The following C12orf50 variants were observed in gnomAD, a reference collection of about 807,000 sequenced individuals.
C12orf50 encodes zinc finger CCCH-type containing 11D.
C12orf50 carries 35 observed loss-of-function variants against 61.6 expected under a neutral mutation model. The ratio of observed to expected loss-of-function variants is 0.57; its 90% confidence interval spans 0.43 to 0.75. C12orf50 has a LOEUF of 0.75. Among genes scored for constraint, C12orf50 ranks in the 30% least tolerant of loss-of-function variants. The probability of loss-of-function intolerance (pLI) is 0.00; values close to 1 mark genes in which losing one functional copy is unlikely to be tolerated. For synonymous variants in C12orf50, 178 were observed against 161.5 expected, an observed-to-expected ratio of 1.10 and a Z score of -0.77; for missense variants, 475 against 488.5, an observed-to-expected ratio of 0.97 and a Z score of 0.26.
At chr12:87,993,005 A>T (rs2031195706) in intron 7 of C12orf50, among the ~76,000 whole-genome samples, 1 of 152,180 alleles carries the variant, frequency 6.6e-6, no homozygotes, top group Non-Finnish European at 1.5e-5. Flanking sequence ...AGATTATTTT[A>T]TCTAGTGACA....
chr12:88,021,126 G>C (rs1413395403), intron 3 of C12orf50, among the ~76,000 whole-genome samples: 1 of 152,032 alleles, frequency 6.6e-6, no homozygotes, highest in East Asian at 1.9e-4. Flanking sequence ...AGAAGAACTA[G>C]AGAAGTAAGA....
chr12:88,012,610 A>G (rs1369350448), intron 3 of C12orf50, among the ~76,000 whole-genome samples: 1 of 152,232 alleles, frequency 6.6e-6, no homozygotes, highest in Non-Finnish European at 1.5e-5. Flanking sequence ...GGGCAAATCT[A>G]TACAACACTT....
chr12:88,020,164 T>C (rs1423734769), intron 3 of C12orf50, among the ~76,000 whole-genome samples: 1 of 152,118 alleles, frequency 6.6e-6, no homozygotes, highest in Non-Finnish European at 1.5e-5. Flanking sequence ...AACAACATGA[T>C]GACAGGATCA....
At position 87,998,133 on chromosome 12, in the gene C12orf50, T is replaced by C. The variant is rs2031495939; in HGVS notation, c.191A>G (p.Glu64Gly). The C allele has an allele frequency of 1.2e-6, 2 of 1,612,614 alleles. No individual in the cohort carries two copies. Among genetic ancestry groups the C allele is most frequent in the Non-Finnish European group, 1.7e-6 (2 of 1,179,050 alleles). The change falls in exon 4 of 13, where the codon GAA becomes GGA. Residue 64 changes from glutamate to glycine, a missense_variant. Transcript: ENST00000298699. ...EGIPLQSQSQ[E>G]PLKPQENISR... is the part of the protein sequence containing the mutation. ...TATATTTTCCTGAGGTTTCAGAGGT[T>C]CTTGACTCTGGGACTGGAGTGGAAT...
At chr12:88,016,856 G>A (rs1189807073) in intron 3 of C12orf50, among the ~76,000 whole-genome samples, 1 of 152,178 alleles carries the variant, frequency 6.6e-6, no homozygotes. Context: ...AGGGAGTATG[G>A]CAATAAGAAA....
At chr12:87,980,769 T>C (rs2030423426) in intron 12 of C12orf50, among the ~76,000 whole-genome samples, 1 of 152,158 alleles carries the variant, frequency 6.6e-6, no homozygotes, top group South Asian at 2.1e-4. Context: ...CCCACAGACA[T>C]GTGCATTCTC....
Position 87,996,421 on chromosome 12 carries a change from T to C in C12orf50, c.434A>G (p.Glu145Gly), listed in dbSNP as rs1390889167. ...TTCCAAAGGCTTTTCTAACTGTTTTTCTGCTGTAGGTGTCATGCTTTTTGA... is the reference window on the plus strand; with the variant it reads ...TTCCAAAGGCTTTTCTAACTGTTTTCCTGCTGTAGGTGTCATGCTTTTTGA... Reference protein sequence around the residue: ...LSSKSMTPTAEKQLEKPLENG... With the variant: ...LSSKSMTPTAGKQLEKPLENG... The change falls in exon 6 of 13, where the codon GAA becomes GGA. Residue 145 changes from glutamate (E) to glycine (G), a missense_variant. Coordinates refer to ENST00000298699, the MANE Select transcript of C12orf50 (RefSeq NM_152589.3). The C allele has an allele frequency of 1.9e-6, 3 of 1,613,528 alleles. No homozygotes were observed. In the South Asian group the frequency reaches 3.3e-5, roughly 18 times the overall value.
rs541023233 is a variant in C12orf50 at position 87,986,038 on chromosome 12, C to A, written c.938G>T (p.Arg313Ile). 6.2e-7 allele frequency: 1 copy of A among 1,613,634 alleles called. No individual in the cohort carries two copies. Among genetic ancestry groups the A allele is most frequent in the South Asian group, 1.1e-5 (1 of 91,074 alleles). ...SGMQRAVQAP[R>I]PQNKMSYHRN... is the part of the protein sequence containing the mutation. ...GTGATAACTCATTTTATTTTGGGGT[C>A]TTGGGGCCTGTACTGCTGTAAAGAA... Residue 313 changes from arginine to isoleucine, a missense_variant, in exon 11 of 13, where the codon AGA (arginine) becomes ATA (isoleucine). Arg to Ile is a moderately conservative substitution (Grantham distance 97, BLOSUM62 -3). Coordinates refer to ENST00000298699, the MANE Select transcript of C12orf50 (RefSeq NM_152589.3).
intron 3 of C12orf50, among the ~76,000 whole-genome samples, chr12:88,015,377 C>G (rs2032274581): frequency 6.6e-6 from 1 of 152,030 alleles, no homozygotes; most frequent in Admixed American, 6.5e-5. Flanking sequence ...GAAAGCTGAC[C>G]AAAGTTTAAT....
rs774746565 is a variant in C12orf50, at chr12:87,985,967, C to G, written c.1009G>C (p.Val337Leu). ...RNAENASYIHVQRDAVRTVAL... is the reference protein window; with the variant it reads ...RNAENASYIHLQRDAVRTVAL... The stretch of plus-strand genomic sequence containing the variant: ...ACAGTCCTGACAGCATCTCTTTGAA[C>G]GTGGATATAGGATGCATTCTCCGCA... Residue 337 changes from valine (V) to leucine (L), a missense_variant, in exon 11 of 13, where the codon GTT (valine) becomes CTT (leucine). Transcript: ENST00000298699. 1.9e-6 allele frequency: 3 copies of G among 1,613,802 alleles called. No individual in the cohort carries two copies. Among genetic ancestry groups the G allele is most frequent in the Middle Eastern group, 1.7e-4 (1 of 6,044 alleles).
intron 11 of C12orf50, chr12:87,984,941 G>T (rs1212713080): frequency 6.6e-6 from 1 of 151,832 alleles, no homozygotes; most frequent in African/African-American, 2.4e-5. Context: ...TTTCACCTAA[G>T]AATATCCTTA....
At chr12:88,028,811 A>C (rs2032798188) in intron 1 of C12orf50, among the ~76,000 whole-genome samples, 1 of 152,142 alleles carries the variant, frequency 6.6e-6, no homozygotes, top group Non-Finnish European at 1.5e-5. Flanking sequence ...TGAAGATTCA[A>C]AAGCTATAGA....
chr12:88,018,048 A>C (rs2032375164), intron 3 of C12orf50, among the ~76,000 whole-genome samples: 1 of 152,246 alleles, frequency 6.6e-6, no homozygotes, highest in African/African-American at 2.4e-5. Context: ...AAATTTTCAT[A>C]ATTAACAATA....
chr12:88,026,489 G>A lies in C12orf50; in HGVS notation c.132C>T (p.Ser44=), dbSNP rs1463280093. ...NINGLFLPPS[S]NITLQKEIQE... is the part of the protein sequence containing the mutation. ...ATGTTATTCAAAAAATGTACTCACTGCTACTTGGTGGCAAAAATAATCCAT... is the reference window on the plus strand; with the variant it reads ...ATGTTATTCAAAAAATGTACTCACTACTACTTGGTGGCAAAAATAATCCAT... Residue 44 remains serine (S), a splice_region_variant and synonymous_variant, in exon 3 of 13, where the codon AGC becomes AGT. Coordinates refer to ENST00000298699, the MANE Select transcript of C12orf50 (RefSeq NM_152589.3). 6.2e-7 allele frequency: 1 copy of A among 1,613,546 alleles called. No individual in the cohort carries two copies. The highest frequency in any genetic ancestry group is 1.1e-5 in the South Asian group (1 of 91,010).
chr12:88,007,765 G>A lies in C12orf50; in HGVS notation c.134-9575C>T, dbSNP rs549952620. 2.6e-5 allele frequency among the ~76,000 whole-genome samples: 4 copies of A among 152,164 alleles called. No individual in the cohort carries two copies. The East Asian group carries it at 7.7e-4, about 29-fold the overall frequency. On this transcript the variant is annotated intron_variant, in intron 3 of 12. Coordinates refer to ENST00000298699, the MANE Select transcript of C12orf50 (RefSeq NM_152589.3). ...TTTGATCATTAATTCACCTAATGAA[G>A]AGGTAATTTTCTTATATAATTGTAC...
intron 3 of C12orf50, among the ~76,000 whole-genome samples, chr12:88,003,367 T>C (rs1030812942): frequency 2.0e-4 from 31 of 152,022 alleles, no homozygotes; most frequent in African/African-American, 7.2e-4. Context: ...GCCCTTATGA[T>C]AGTTTTATAC....
At chr12:88,020,246 A>G (rs2032465027) in intron 3 of C12orf50, among the ~76,000 whole-genome samples, 1 of 152,232 alleles carries the variant, frequency 6.6e-6, no homozygotes, top group Admixed American at 6.5e-5. Context: ...CAGAGTTGCA[A>G]GCTCGATAAA....
At chr12:87,999,366 A>G (rs759477086) in intron 3 of C12orf50, among the ~76,000 whole-genome samples, 1 of 152,194 alleles carries the variant, frequency 6.6e-6, no homozygotes, top group Non-Finnish European at 1.5e-5. Context: ...TTAAGGCTGC[A>G]TTTAGCCGAG....
At chr12:88,007,530 C>T (rs998904299) in intron 3 of C12orf50, among the ~76,000 whole-genome samples, 4 of 152,266 alleles carry the variant, frequency 2.6e-5, no homozygotes, top group South Asian at 2.1e-4. Context: ...GATGGTGCCT[C>T]GTTACTGTGC....
Sources: allele counts gnomAD v4.1 joint callset (sites outside exome capture counted in the v4.1 genomes callset), GRCh38; gene constraint gnomAD v4.1.1; transcripts MANE v1.5; gene names NCBI Gene and HGNC (gene_info 2026-07-23, HGNC 2026-07-21).